FRMD6: variants seen among roughly 807,000 people sequenced by gnomAD.
FRMD6 encodes FERM domain containing 6.
A neutral mutation model predicts 73.2 loss-of-function variants in FRMD6; 37 were observed. That is an observed-to-expected ratio of 0.51 (90% CI 0.39 to 0.66). FRMD6 has a LOEUF of 0.66. Ranked by LOEUF, FRMD6 falls within the 30% of genes least tolerant of loss-of-function variation. FRMD6 has a pLI of 0.00. For synonymous variants in FRMD6, 273 were observed against 282.2 expected, an observed-to-expected ratio of 0.97 and a Z score of 0.33; for missense variants, 714 against 780.5, an observed-to-expected ratio of 0.91 and a Z score of 1.02.
At chr14:51,702,994 G>T (rs1896417237) in intron 5 of FRMD6, among the ~76,000 whole-genome samples, 1 of 152,020 alleles carries the variant, frequency 6.6e-6, no homozygotes. Flanking sequence ...GGTGGGAGTG[G>T]GTCAGAGGCA....
At chr14:51,494,500 G>T (rs1381564353) in intron 1 of FRMD6, among the ~76,000 whole-genome samples, 1 of 152,210 alleles carries the variant, frequency 6.6e-6, no homozygotes, top group Non-Finnish European at 1.5e-5. Flanking sequence ...AGGCACACTG[G>T]GGCAGAGACT....
At chr14:51,599,183 G>T (rs1183121347) in intron 2 of FRMD6, among the ~76,000 whole-genome samples, 1 of 147,298 alleles carries the variant, frequency 6.8e-6, no homozygotes, top group African/African-American at 2.5e-5. Flanking sequence ...TTCTATGTTT[G>T]TTGGCTGCTT....
At chr14:51,543,759 C>G (rs1350946898) in intron 1 of FRMD6, among the ~76,000 whole-genome samples, 2 of 151,922 alleles carry the variant, frequency 1.3e-5, no homozygotes, top group African/African-American at 2.4e-5. Flanking sequence ...GTGATGGGAA[C>G]TCAAAAGAAT....
intron 2 of FRMD6, among the ~76,000 whole-genome samples, chr14:51,577,176 C>T (rs1039945048): frequency 6.6e-6 from 1 of 152,014 alleles, no homozygotes. Context: ...ATGAGCTAGT[C>T]CTTCTCAGAA....
At chr14:51,483,554 C>T in the FRMD6 span, among the ~76,000 whole-genome samples, 1 of 152,102 alleles carries the variant, frequency 6.6e-6, no homozygotes, top group African/African-American at 2.4e-5. Flanking sequence ...TGTGCAGGAA[C>T]AAAAATGGTA....
At chr14:51,669,630 G>A (rs1893853695) in intron 1 of FRMD6, among the ~76,000 whole-genome samples, 1 of 152,084 alleles carries the variant, frequency 6.6e-6, no homozygotes, top group Admixed American at 6.5e-5. Flanking sequence ...ATCATTTCAA[G>A]TGCTTATTTG....
intron 9 of FRMD6, 67 bp downstream of exon 9, chr14:51,712,618 A>G: frequency 9.9e-7 from 1 of 1,007,038 alleles, no homozygotes. Flanking sequence ...GGTTTCTGTT[A>G]TTTTTTGTTT....
the FRMD6 span, among the ~76,000 whole-genome samples, chr14:51,429,431 TTTG>T: frequency 2.0e-5 from 3 of 148,648 alleles, no homozygotes; most frequent in African/African-American, 7.8e-5. Flanking sequence ...AAGATTTTTT[TTTG>T]TTTGTTTGTT....
chr14:51,463,369 C>T, the FRMD6 span, among the ~76,000 whole-genome samples: 82 of 152,280 alleles, frequency 5.4e-4, no homozygotes, highest in African/African-American at 1.9e-3. Flanking sequence ...ACTTATAATA[C>T]CTACACATCA....
At chr14:51,607,818 CTGCCGAG>C (rs1245094011) in intron 2 of FRMD6, among the ~76,000 whole-genome samples, 1 of 152,230 alleles carries the variant, frequency 6.6e-6, no homozygotes, top group Non-Finnish European at 1.5e-5. Context: ...TTCCCGGTTT[CTGCCGAG>C]TGCCACGCTG....
chr14:51,435,211 G>A, the FRMD6 span, among the ~76,000 whole-genome samples: 1 of 152,294 alleles, frequency 6.6e-6, no homozygotes, highest in South Asian at 2.1e-4. Flanking sequence ...ATGTGGTCAA[G>A]AAAACTGGGT....
chr14:51,575,412 G>A (rs1336842151), intron 2 of FRMD6, among the ~76,000 whole-genome samples: 2 of 152,200 alleles, frequency 1.3e-5, no homozygotes, highest in Non-Finnish European at 2.9e-5. Flanking sequence ...TTGCATCAGC[G>A]GAGGGGGCCA....
chr14:51,523,610 G>T (rs549075910), intron 1 of FRMD6, among the ~76,000 whole-genome samples: 1 of 152,090 alleles, frequency 6.6e-6, no homozygotes, highest in Non-Finnish European at 1.5e-5. Flanking sequence ...TCTTACTTTC[G>T]TGGCCATCTG....
chr14:51,623,305 C>T (rs1024775474), intron 2 of FRMD6, among the ~76,000 whole-genome samples: 4 of 152,102 alleles, frequency 2.6e-5, no homozygotes, highest in Admixed American at 2.0e-4. Flanking sequence ...ATCTCCTCCT[C>T]AATGAGTTTT....
At chr14:51,630,679 C>G (rs564887167) in intron 2 of FRMD6, among the ~76,000 whole-genome samples, 1 of 152,134 alleles carries the variant, frequency 6.6e-6, no homozygotes, top group South Asian at 2.1e-4. Flanking sequence ...CCCAGGAGGT[C>G]AAGGCTGCAG....
chr14:51,616,508 A>C (rs1254529178), intron 2 of FRMD6, among the ~76,000 whole-genome samples: 1 of 152,184 alleles, frequency 6.6e-6, no homozygotes, highest in East Asian at 1.9e-4. Flanking sequence ...GATCAGGTGA[A>C]TCATAAATGT....
At chr14:51,512,585 C>T (rs1005531650) in intron 1 of FRMD6, among the ~76,000 whole-genome samples, 1 of 152,136 alleles carries the variant, frequency 6.6e-6, no homozygotes, top group Non-Finnish European at 1.5e-5. Flanking sequence ...GTCACAACCT[C>T]CTTCTGATAG....
Position 51,701,403 on chromosome 14 carries a change from A to G in FRMD6, c.294+244A>G, listed in dbSNP as rs187048195. Among the ~76,000 whole-genome samples the G allele has an allele frequency of 2.9e-3, 424 of 146,130 alleles. 1 individual carries two copies. Among genetic ancestry groups the G allele is most frequent in the African/African-American group, 9.8e-3 (395 of 40,380 alleles). Reference sequence around the variant, plus strand: ...ATATATAGTAGTATATATACTTAGTATATATATATAGTAATATGTATAGTA... The same window carrying G: ...ATATATAGTAGTATATATACTTAGTGTATATATATAGTAATATGTATAGTA... On this transcript the variant is annotated intron_variant, in intron 4 of 13. Coordinates refer to ENST00000344768, the MANE Select transcript of FRMD6 (RefSeq NM_001267046.2).
At chr14:51,402,477 G>A in the FRMD6 span, among the ~76,000 whole-genome samples, 1 of 152,048 alleles carries the variant, frequency 6.6e-6, no homozygotes, top group African/African-American at 2.4e-5. Context: ...GAGTTTCCCT[G>A]CAAAAGCCCT....
Sources: allele counts gnomAD v4.1 joint callset (sites outside exome capture counted in the v4.1 genomes callset), GRCh38; gene constraint gnomAD v4.1.1; transcripts MANE v1.5; gene names NCBI Gene and HGNC (gene_info 2026-07-23, HGNC 2026-07-21).